The following DAPK2 variants were observed in gnomAD, a reference collection of about 807,000 sequenced individuals.
DAPK2 encodes death associated protein kinase 2.
In DAPK2, 35 loss-of-function variants were observed where a neutral mutation model predicts 44.1. The observed-to-expected ratio is 0.79, with a 90% CI of 0.61 to 1.05. DAPK2 has a LOEUF of 1.05. Among genes scored for constraint, DAPK2 ranks in the 50% least tolerant of loss-of-function variants. DAPK2 has a pLI of 0.00. For missense variants in DAPK2, 453 were observed against 483.2 expected (o/e 0.94, Z 0.59); for synonymous variants, 174 against 182.6 (o/e 0.95, Z 0.38).
At chr15:63,962,422 G>C (rs1250375618) in intron 3 of DAPK2, among the ~76,000 whole-genome samples, 2 of 152,192 alleles carry the variant, frequency 1.3e-5, no homozygotes, top group Admixed American at 1.3e-4. Flanking sequence ...AGGAGAAGAG[G>C]CCCTCTGATT....
At chr15:63,909,798 T>C (rs1302895773) in intron 10 of DAPK2, 1 of 70,084 alleles carries the variant, frequency 1.4e-5, no homozygotes, top group East Asian at 1.9e-3. Context: ...TGAGACTCTG[T>C]CTCAAAAAAA....
At chr15:64,019,115 T>C (rs1240766200) in intron 1 of DAPK2, among the ~76,000 whole-genome samples, 1 of 152,216 alleles carries the variant, frequency 6.6e-6, no homozygotes, top group Non-Finnish European at 1.5e-5. Context: ...TTCCAAATCC[T>C]GAAGTCTAGT....
chr15:63,930,529 G>A, intron 4 of DAPK2, 74 bp from the exon 6 acceptor site: 1 of 1,420,894 alleles, frequency 7.0e-7, no homozygotes, highest in South Asian at 1.2e-5. Flanking sequence ...GAATTTTAGG[G>A]AATTTGGTGC....
chr15:64,025,724 G>A (rs966799787), intron 1 of DAPK2, among the ~76,000 whole-genome samples: 4 of 152,052 alleles, frequency 2.6e-5, no homozygotes, highest in African/African-American at 9.7e-5. Flanking sequence ...GGAGAAAATC[G>A]AATTTCCACA....
intron 2 of DAPK2, among the ~76,000 whole-genome samples, chr15:63,976,251 C>G (rs1018368241): frequency 6.6e-6 from 1 of 152,186 alleles, no homozygotes; most frequent in African/African-American, 2.4e-5. Flanking sequence ...CATGTGGTTA[C>G]TGAGCACTTG....
intron 1 of DAPK2, among the ~76,000 whole-genome samples, chr15:64,031,294 G>A (rs2080008887): frequency 6.6e-6 from 1 of 151,126 alleles, no homozygotes; most frequent in Admixed American, 6.6e-5. Context: ...GTGTAGTGGT[G>A]CAATCACAGC....
intron 2 of DAPK2, among the ~76,000 whole-genome samples, chr15:63,976,879 G>A (rs1477960492): frequency 6.6e-6 from 1 of 152,184 alleles, no homozygotes; most frequent in Non-Finnish European, 1.5e-5. Flanking sequence ...GTGGCAACTA[G>A]GAAATTTAAA....
intron 1 of DAPK2, among the ~76,000 whole-genome samples, chr15:63,986,858 G>GAGA: frequency 6.6e-6 from 1 of 152,164 alleles, no homozygotes; most frequent in South Asian, 2.1e-4. Context: ...AGCCAGGGCT[G>GAGA]ACTTACAACA....
intron 6 of DAPK2, among the ~76,000 whole-genome samples, chr15:63,928,007 CA>C (rs1237938310): frequency 6.6e-5 from 10 of 152,142 alleles, no homozygotes; most frequent in Admixed American, 6.5e-4. Context: ...CTCAGCCTTC[CA>C]AAATGCTGGG....
chr15:64,031,373 C>A lies in DAPK2; in HGVS notation c.92+8797G>T, dbSNP rs149200585. ...TCATCCTCCCAAGTAGCTGGGACTACAGGCGTGTGCCACCACACTTGGCTA... is the reference window on the plus strand; with the variant it reads ...TCATCCTCCCAAGTAGCTGGGACTAAAGGCGTGTGCCACCACACTTGGCTA... On this transcript the variant is annotated intron_variant, in intron 1 of 10. Transcript: ENST00000261891. Among the ~76,000 whole-genome samples, 340 of 152,248 alleles carry A rather than the reference C, an allele frequency of 2.2e-3. 3 individuals carry two copies. Among genetic ancestry groups the A allele is most frequent in the African/African-American group, 7.8e-3 (326 of 41,544 alleles).
intron 3 of DAPK2, among the ~76,000 whole-genome samples, chr15:63,961,114 T>A (rs1002919065): frequency 6.6e-6 from 1 of 152,202 alleles, no homozygotes; most frequent in Non-Finnish European, 1.5e-5. Flanking sequence ...GCCTTCTTTG[T>A]CTCTTTTGAT....
intron 6 of DAPK2, among the ~76,000 whole-genome samples, chr15:63,927,976 T>C (rs1182588940): frequency 6.6e-6 from 1 of 152,176 alleles, no homozygotes; most frequent in Non-Finnish European, 1.5e-5. Context: ...CTTGAACTCC[T>C]GGACTTAAGC....
chr15:63,958,297 G>T (rs924716290), intron 3 of DAPK2, among the ~76,000 whole-genome samples: 2 of 151,332 alleles, frequency 1.3e-5, no homozygotes, highest in Non-Finnish European at 2.9e-5. Flanking sequence ...CTCCCATTCT[G>T]CAAGTTGCCT....
chr15:63,945,104 A>G (rs368056815), intron 3 of DAPK2, among the ~76,000 whole-genome samples: 14 of 152,120 alleles, frequency 9.2e-5, no homozygotes, highest in Non-Finnish European at 8.8e-5. Flanking sequence ...AGCTCAAGTG[A>G]TCCTCCCCGC....
chr15:63,967,846 G>A (rs1409379889), intron 3 of DAPK2, among the ~76,000 whole-genome samples: 2 of 152,182 alleles, frequency 1.3e-5, no homozygotes, highest in Admixed American at 1.3e-4. Context: ...ACATTCCAAA[G>A]GTAGGCAAGA....
At chr15:63,932,994 T>C (rs1276226483) in intron 4 of DAPK2, among the ~76,000 whole-genome samples, 1 of 152,258 alleles carries the variant, frequency 6.6e-6, no homozygotes, top group Non-Finnish European at 1.5e-5. Flanking sequence ...ATGGCTCCCA[T>C]TTTAAACAAT....
intron 3 of DAPK2, among the ~76,000 whole-genome samples, chr15:63,955,154 C>T (rs1448751290): frequency 6.6e-6 from 1 of 152,180 alleles, no homozygotes; most frequent in African/African-American, 2.4e-5. Context: ...TTTCTCTTGT[C>T]TGATTGCTCT....
intron 4 of DAPK2, among the ~76,000 whole-genome samples, chr15:63,935,089 C>CTTTTTTTTTTTTTTTTTTT: frequency 8.0e-6 from 1 of 124,476 alleles, no homozygotes; most frequent in Non-Finnish European, 1.6e-5. Flanking sequence ...TCTTTGCCTT[C>CTTTTTTTTTTTTTTTTTTT]TTTTTTTTTT....
intron 8 of DAPK2, chr15:63,922,874 T>C: frequency 6.5e-7 from 1 of 1,535,912 alleles, no homozygotes; most frequent in Admixed American, 2.0e-5. Flanking sequence ...GCCCACCAGC[T>C]CCTGAATCCA....
Sources: allele counts gnomAD v4.1 joint callset (sites outside exome capture counted in the v4.1 genomes callset), GRCh38; gene constraint gnomAD v4.1.1; transcripts MANE v1.5; gene names NCBI Gene and HGNC (gene_info 2026-07-23, HGNC 2026-07-21).